Variants in HNRNPC observed in about 807,000 individuals in gnomAD.
HNRNPC encodes the protein heterogeneous nuclear ribonucleoprotein C, also known as heterogeneous nuclear ribonucleoproteins C1/C2.
In HNRNPC, 3 loss-of-function variants were observed where a neutral mutation model predicts 33.2. The ratio of observed to expected loss-of-function variants is 0.09; its 90% confidence interval spans 0.04 to 0.23. The LOEUF is 0.23. Ranked by LOEUF, HNRNPC falls within the 10% of genes least tolerant of loss-of-function variation. The pLI is 1.00. For missense variants in HNRNPC, 143 were observed against 366.7 expected, an observed-to-expected ratio of 0.39 and a Z score of 4.98; for synonymous variants, 121 against 126.7, an observed-to-expected ratio of 0.96 and a Z score of 0.30.
intron 2 of HNRNPC, among the ~76,000 whole-genome samples, chr14:21,257,691 T>A (rs907962546): frequency 2.6e-5 from 4 of 152,132 alleles, no homozygotes; most frequent in Admixed American, 1.3e-4. Flanking sequence ...ACTCAATTAA[T>A]TCTACCGCCT....
chr14:21,234,131 C>G lies in HNRNPC; in HGVS notation c.63G>C (p.Gly21=), dbSNP rs757757104. Residue 21 remains glycine, a synonymous_variant, in exon 3 of 9, where the codon GGG becomes GGC. Coordinates refer to ENST00000553300, the MANE Select transcript of HNRNPC (RefSeq NM_004500.4). ...PRSMNSRVFI[G]NLNTLVVKKS... ...TCTTGACCACAAGAGTGTTGAGATT[C>G]CCAATGAATACACGGGAGTTCATGG... 3.8e-5 allele frequency: 62 copies of G among 1,613,918 alleles called. No homozygotes were observed. The South Asian group carries it at 6.8e-4, about 18-fold the overall frequency.
At chr14:21,240,674 C>T (rs151327165) in intron 2 of HNRNPC, among the ~76,000 whole-genome samples, 16 of 152,248 alleles carry the variant, frequency 1.1e-4, no homozygotes, top group Non-Finnish European at 1.8e-4. Context: ...GAGATAGGTG[C>T]CGTTCAACCC....
At chr14:21,264,250 A>G (rs1012123077) in intron 1 of HNRNPC, 15 of 152,316 alleles carry the variant, frequency 9.8e-5, no homozygotes, top group African/African-American at 3.1e-4. Flanking sequence ...TGCTATGAGT[A>G]ATAGACTGAA....
At chr14:21,223,731 G>A (rs1410871480) in intron 5 of HNRNPC, among the ~76,000 whole-genome samples, 1 of 152,122 alleles carries the variant, frequency 6.6e-6, no homozygotes, top group Non-Finnish European at 1.5e-5. Context: ...CTGGGCAAGA[G>A]AGCCACATCA....
intron 5 of HNRNPC, among the ~76,000 whole-genome samples, chr14:21,224,344 C>A (rs1893175652): frequency 6.6e-6 from 1 of 152,156 alleles, no homozygotes; most frequent in South Asian, 2.1e-4. Context: ...TTTTCTCTCT[C>A]TACCAAGATA....
At chr14:21,213,783 C>T (rs1432539977) in intron 5 of HNRNPC, among the ~76,000 whole-genome samples, 9 of 152,132 alleles carry the variant, frequency 5.9e-5, no homozygotes, top group East Asian at 1.9e-4. Flanking sequence ...ACTAAATTTA[C>T]GCTTAATTCC....
intron 5 of HNRNPC, among the ~76,000 whole-genome samples, chr14:21,218,432 T>C (rs1004730851): frequency 6.6e-6 from 1 of 152,032 alleles, no homozygotes; most frequent in Admixed American, 6.6e-5. Context: ...ATGCCTGTAA[T>C]CCCAGCACTT....
intron 5 of HNRNPC, among the ~76,000 whole-genome samples, chr14:21,219,933 T>G (rs1892637206): frequency 6.6e-6 from 1 of 152,146 alleles, no homozygotes; most frequent in Non-Finnish European, 1.5e-5. Context: ...CACATCTGAT[T>G]CCTCTCTCAA....
rs985860318 is a variant in HNRNPC, at chr14:21,247,321, A to T, written c.-36-13092T>A. Among the ~76,000 whole-genome samples, 9 of 152,326 alleles carry T rather than the reference A, an allele frequency of 5.9e-5. No homozygotes were observed. In the East Asian group the frequency reaches 1.5e-3, roughly 26 times the overall value. On this transcript the variant is annotated intron_variant, in intron 2 of 8. Coordinates refer to ENST00000553300, the MANE Select transcript of HNRNPC (RefSeq NM_004500.4). ...AGCCTTTGATTTTGCTGTAAAGTAT[A>T]AACAACCCCTCTCAATTATGTATCC...
intron 5 of HNRNPC, among the ~76,000 whole-genome samples, chr14:21,214,551 T>G (rs1891947448): frequency 6.6e-6 from 1 of 152,086 alleles, no homozygotes. Context: ...ACCACTGCAC[T>G]CATGCGGAAC....
chr14:21,244,561 T>C (rs752352876), intron 2 of HNRNPC, among the ~76,000 whole-genome samples: 1 of 152,228 alleles, frequency 6.6e-6, no homozygotes, highest in East Asian at 1.9e-4. Flanking sequence ...TTCTAAATCA[T>C]AGTTGACTCT....
intron 2 of HNRNPC, among the ~76,000 whole-genome samples, chr14:21,238,256 A>G (rs1018137768): frequency 6.6e-6 from 1 of 152,246 alleles, no homozygotes; most frequent in African/African-American, 2.4e-5. Flanking sequence ...ATGTCCAGCA[A>G]TAATAGTCTT....
chr14:21,264,141 A>G (rs1039171696), intron 1 of HNRNPC: 6 of 152,242 alleles, frequency 3.9e-5, no homozygotes, highest in Middle Eastern at 3.2e-3. Flanking sequence ...AAACCGGGCC[A>G]ACAAATAGAG....
intron 2 of HNRNPC, among the ~76,000 whole-genome samples, chr14:21,241,666 G>C (rs372996931): frequency 6.6e-6 from 1 of 152,092 alleles, no homozygotes; most frequent in Non-Finnish European, 1.5e-5. Context: ...TGCTTCCTAT[G>C]GATCTTATTG....
intron 2 of HNRNPC, among the ~76,000 whole-genome samples, chr14:21,260,049 A>C (rs1877932271): frequency 6.8e-6 from 1 of 147,848 alleles, no homozygotes; most frequent in South Asian, 2.1e-4. Context: ...CATACAAAAA[A>C]ATTAGCCGGG....
At chr14:21,219,143 A>G (rs1291833591) in intron 5 of HNRNPC, among the ~76,000 whole-genome samples, 5 of 151,730 alleles carry the variant, frequency 3.3e-5, no homozygotes, top group Middle Eastern at 6.8e-3. Context: ...AGAAAGGGGA[A>G]AAAAAATTAC....
intron 1 of HNRNPC, chr14:21,263,553 TA>T (rs780371363): frequency 2.9e-4 from 44 of 152,022 alleles, no homozygotes; most frequent in Non-Finnish European, 5.3e-4. Context: ...TATGAGAGGC[TA>T]AAAGGCTCCT....
At position 21,259,971 on chromosome 14, in the gene HNRNPC, G is replaced by A. The variant is rs1484718117; in HGVS notation, c.-37+3340C>T. 5.3e-5 allele frequency among the ~76,000 whole-genome samples: 8 copies of A among 149,906 alleles called. No homozygotes were observed. The East Asian group carries it at 5.8e-4, about 11-fold the overall frequency. ...TCCCAGCACTTTGGGAGGCCGAGGC[G>A]GGCGGATCACGAGGTCAGGAGATCG... On this transcript the variant is annotated intron_variant, in intron 2 of 8. Coordinates refer to ENST00000553300, the MANE Select transcript of HNRNPC (RefSeq NM_004500.4).
At chr14:21,230,515 C>A in intron 4 of HNRNPC, 149 bp from the exon 5 acceptor site, 1 of 627,660 alleles carries the variant, frequency 1.6e-6, no homozygotes, top group Non-Finnish European at 2.9e-6. Flanking sequence ...TACAATAAAT[C>A]ACTCAATTCC....
Sources: gnomAD v4.1 joint callset for allele counts (sites outside exome capture counted in the v4.1 genomes callset) on GRCh38, gnomAD v4.1.1 for gene constraint, MANE v1.5 for transcripts, NCBI Gene and HGNC (gene_info 2026-07-23, HGNC 2026-07-21) for gene names.